RCC2: variants seen among roughly 807,000 people sequenced by gnomAD.
The protein encoded by RCC2 is protein RCC2.
In RCC2, 19 loss-of-function variants were observed where a neutral mutation model predicts 64.1. The ratio of observed to expected loss-of-function variants is 0.30; its 90% CI spans 0.21 to 0.44. RCC2 has a LOEUF of 0.44. Ranked by LOEUF, RCC2 falls within the 20% of genes least tolerant of loss-of-function variation. RCC2 has a pLI of 1.00. For synonymous variants in RCC2, 325 were observed against 279.6 expected, an observed-to-expected ratio of 1.16 and a Z score of -1.62; for missense variants, 508 against 710.4, an observed-to-expected ratio of 0.72 and a Z score of 3.24.
chr1:17,435,363 G>A (rs184776241), intron 2 of RCC2, among the ~76,000 whole-genome samples: 22 of 152,320 alleles, frequency 1.4e-4, no homozygotes, highest in South Asian at 6.2e-4. Context: ...TTTCCTGGGC[G>A]GCTGCTTTCA....
At chr1:17,411,580 C>CAAA (rs56163231) in intron 11 of RCC2, among the ~76,000 whole-genome samples, 1 of 64,000 alleles carries the variant, frequency 1.6e-5, no homozygotes, top group African/African-American at 6.1e-5. Flanking sequence ...AACTCCATCT[C>CAAA]AAAAAAAAAA....
chr1:17,407,124 C>T lies in RCC2; in HGVS notation c.*1966G>A, dbSNP rs1261950423. ...CAAGGCAGTCTTCACTTTGAAGGTC[C>T]CTTTCCTGCTCCAGTCCCTGGGCTA... is the stretch of plus-strand genomic sequence containing the variant. On this transcript the variant is annotated 3_prime_UTR_variant, in exon 13 of 13. Coordinates refer to ENST00000375436, the MANE Select transcript of RCC2 (RefSeq NM_018715.4). 1.3e-5 allele frequency: 2 copies of T among 152,222 alleles called. No homozygotes were observed. The highest frequency in any genetic ancestry group is 6.5e-5 in the Admixed American group (1 of 15,276). The allele number at this position is 152,222 out of a possible 1,614,324, so 9.4% of individuals were successfully genotyped here.
At chr1:17,416,078 A>AGGGG (rs35085981) in intron 8 of RCC2, among the ~76,000 whole-genome samples, 8 of 50,812 alleles carry the variant, frequency 1.6e-4, no homozygotes, top group Non-Finnish European at 2.4e-4. Context: ...CAAAAAAAAA[A>AGGGG]GGGGGGGGGG....
chr1:17,415,938 G>A lies in RCC2; in HGVS notation c.1026+542C>T, dbSNP rs1169470502. On this transcript the variant is annotated intron_variant, in intron 8 of 12. Coordinates refer to ENST00000375436, the MANE Select transcript of RCC2 (RefSeq NM_018715.4). The stretch of plus-strand genomic sequence containing the variant: ...ACAAAACTAGCCGGGGCATGGTGGC[G>A]CATGCCTGTAATCCCAGCTACTCGG... Among the ~76,000 whole-genome samples, 10 of 149,250 alleles carry A rather than the reference G, an allele frequency of 6.7e-5. 1 individual carries two copies. The highest frequency in any genetic ancestry group is 4.3e-4 in the South Asian group (2 of 4,670).
rs148459747 is a variant in RCC2 at position 17,434,803 on chromosome 1, G to A, written c.285+3427C>T. Among the ~76,000 whole-genome samples the A allele has an allele frequency of 6.3e-3, 965 of 152,328 alleles. 5 individuals are homozygous for A. The highest frequency in any genetic ancestry group is 0.021 in the African/African-American group (880 of 41,578). On this transcript the variant is annotated intron_variant, in intron 2 of 12. Transcript: ENST00000375436. ...ATAGCAGGGGGAGACCTCCCTTTAC[G>A]TCTAGTCACAGAAGTCTTGTGTTGG...
chr1:17,434,876 G>A lies in RCC2; in HGVS notation c.285+3354C>T, dbSNP rs1433409869. ...GCCTGTAATCGCAGCACTTTGGGAG[G>A]CGGGCAAATCACGAGGTCAGGAGTT... On this transcript the variant is annotated intron_variant, in intron 2 of 12. Coordinates refer to ENST00000375436, the MANE Select transcript of RCC2 (RefSeq NM_018715.4). Among the ~76,000 whole-genome samples, 3 of 152,384 alleles carry A rather than the reference G, an allele frequency of 2.0e-5. No homozygotes were observed. The East Asian group carries it at 5.8e-4, about 29-fold the overall frequency.
At position 17,408,950 on chromosome 1, in the gene RCC2, G is replaced by C. The variant is rs2075395465; in HGVS notation, c.*140C>G. On this transcript the variant is annotated 3_prime_UTR_variant, in exon 13 of 13. Coordinates refer to ENST00000375436, the MANE Select transcript of RCC2 (RefSeq NM_018715.4). ...TTAACGTTGGATCATGTGTAAAACGGAACCTCAGGGAGTCTAAACAAAAAT... is the reference window on the plus strand; with the variant it reads ...TTAACGTTGGATCATGTGTAAAACGCAACCTCAGGGAGTCTAAACAAAAAT... 1.3e-5 allele frequency: 9 copies of C among 688,228 alleles called. No individual in the cohort carries two copies. In the South Asian group the frequency reaches 1.5e-4, roughly 12 times the overall value. 42.6% of individuals were successfully genotyped at this position (688,228 alleles called of 1,614,324 possible). A position where few individuals can be genotyped will look rare whatever the true frequency, so the allele number is the denominator to read the frequency against.
intron 7 of RCC2, among the ~76,000 whole-genome samples, chr1:17,420,010 A>G (rs1553157122): frequency 1.3e-5 from 2 of 152,196 alleles, no homozygotes; most frequent in Non-Finnish European, 2.9e-5. Context: ...CGGCTGCAGG[A>G]GCGCGCGCGG....
At chr1:17,410,903 A>G (rs2075418065) in intron 11 of RCC2, among the ~76,000 whole-genome samples, 1 of 152,164 alleles carries the variant, frequency 6.6e-6, no homozygotes, top group Non-Finnish European at 1.5e-5. Context: ...CCCAGAAAAC[A>G]TCCTTCCTCC....
rs538563790 is a variant in RCC2, at chr1:17,431,424, T to C, written c.286-2225A>G. On this transcript the variant is annotated intron_variant, in intron 2 of 12. Transcript: ENST00000375436. ...GCTCACGCCTGTCATCTCAGCACTT[T>C]GGGAGGCTGAAGCAGGCGGATCACC... 7.0e-5 allele frequency among the ~76,000 whole-genome samples: 8 copies of C among 113,930 alleles called. No homozygotes were observed. In the South Asian group the frequency reaches 2.4e-3, roughly 34 times the overall value. 74.7% of individuals were successfully genotyped at this position (113,930 alleles called of 152,430 possible).
At chr1:17,418,750 A>G (rs926092948) in intron 7 of RCC2, among the ~76,000 whole-genome samples, 1 of 152,214 alleles carries the variant, frequency 6.6e-6, no homozygotes, top group African/African-American at 2.4e-5. Flanking sequence ...AATAGAATGC[A>G]TTTCCGGATA....
rs1235470042 is a variant in RCC2 at position 17,408,808 on chromosome 1, G to T, written c.*282C>A. Reference sequence around the variant, plus strand: ...AAAACTTAAAAAAAAAAAAAACCTAGATTGCTCAAAGTTTCTGCCTCTTTT... The same window carrying T: ...AAAACTTAAAAAAAAAAAAAACCTATATTGCTCAAAGTTTCTGCCTCTTTT... On this transcript the variant is annotated 3_prime_UTR_variant, in exon 13 of 13. Coordinates refer to ENST00000375436, the MANE Select transcript of RCC2 (RefSeq NM_018715.4). 6 of 345,230 alleles carry T rather than the reference G, an allele frequency of 1.7e-5. No homozygotes were observed. The highest frequency in any genetic ancestry group is 5.0e-5 in the East Asian group (1 of 20,130). The allele number at this position is 345,230 out of a possible 1,614,324, so 21.4% of individuals were successfully genotyped here.
At chr1:17,414,807 T>G (rs909490340) in intron 8 of RCC2, among the ~76,000 whole-genome samples, 16 of 151,934 alleles carry the variant, frequency 1.1e-4, no homozygotes, top group African/African-American at 3.1e-4. Flanking sequence ...ATTTTTGTGG[T>G]TTTTTTGTAG....
At chr1:17,419,292 G>A (rs1158748199) in intron 7 of RCC2, among the ~76,000 whole-genome samples, 1 of 152,188 alleles carries the variant, frequency 6.6e-6, no homozygotes, top group Non-Finnish European at 1.5e-5. Context: ...CAAGGAGGTG[G>A]AGGTTGCAGT....
At chr1:17,434,974 G>A (rs1294390515) in intron 2 of RCC2, among the ~76,000 whole-genome samples, 1 of 152,168 alleles carries the variant, frequency 6.6e-6, no homozygotes, top group African/African-American at 2.4e-5. Flanking sequence ...ACAGTGACAG[G>A]TGCCTGTCAT....
rs1221702297 is a variant in RCC2, at chr1:17,413,661, C to T, written c.1083G>A (p.Arg361=). The stretch of plus-strand genomic sequence containing the variant: ...CATCCTTCTGCTCTGCGTGGCCCAG[C>T]CGGCCATAGCCACCAAAGCCCCAGG... ...VFSWGFGGYG[R]LGHAEQKDEM... is the part of the protein sequence containing the mutation. The change falls in exon 9 of 13, where the codon CGG becomes CGA. Residue 361 remains arginine, a synonymous_variant. Coordinates refer to ENST00000375436, the MANE Select transcript of RCC2 (RefSeq NM_018715.4). The T allele has an allele frequency of 1.9e-6, 3 of 1,614,120 alleles. No individual in the cohort carries two copies. The highest frequency in any genetic ancestry group is 2.5e-6 in the Non-Finnish European group (3 of 1,179,990).
At chr1:17,412,752 T>C (rs1158011753) in intron 10 of RCC2, among the ~76,000 whole-genome samples, 2 of 152,248 alleles carry the variant, frequency 1.3e-5, no homozygotes, top group Admixed American at 1.3e-4. Flanking sequence ...ACTCAAGTCC[T>C]GCTACGTTTC....
chr1:17,418,210 T>G (rs1280905556), intron 7 of RCC2, among the ~76,000 whole-genome samples: 1 of 140,000 alleles, frequency 7.1e-6, no homozygotes, highest in Non-Finnish European at 1.5e-5. Flanking sequence ...ATAAGCAGGT[T>G]CTATTTTTTT....
intron 1 of RCC2, 176 bp from the exon 2 acceptor site, chr1:17,438,698 C>T (rs2075772397): frequency 1.9e-6 from 1 of 534,326 alleles, no homozygotes; most frequent in Non-Finnish European, 2.8e-6. Context: ...CCCTCCCTGG[C>T]CCCGGCGCGG....
Sources: allele counts gnomAD v4.1 joint callset (sites outside exome capture counted in the v4.1 genomes callset), GRCh38; gene constraint gnomAD v4.1.1; transcripts MANE v1.5; gene names NCBI Gene and HGNC (gene_info 2026-07-23, HGNC 2026-07-21).